Variants in RUVBL1 observed in about 807,000 individuals in gnomAD.
RUVBL1 encodes RuvB like AAA ATPase 1.
Under a neutral mutation model 52.4 loss-of-function variants are expected in RUVBL1, and 4 were observed. The observed-to-expected ratio is 0.08, with a 90% CI of 0.04 to 0.17. The LOEUF (loss-of-function observed/expected upper bound fraction) is 0.17. Ranked by LOEUF, RUVBL1 falls within the 10% of genes least tolerant of loss-of-function variation. RUVBL1 has a pLI of 1.00. For synonymous variants in RUVBL1, 217 were observed against 214.4 expected (o/e 1.01, Z -0.10); for missense variants, 298 against 572.8 (o/e 0.52, Z 4.90).
chr3:128,143,173 AT>A (rs35634913), intron 1 of RUVBL1, among the ~76,000 whole-genome samples: 40,448 of 132,858 alleles, frequency 0.3, 6,284 homozygotes, highest in African/African-American at 0.48. Context: ...ACCCTTATCT[AT>A]TTTTTTTTTT....
chr3:128,068,324 G>C (rs924021097), intron 9 of RUVBL1, among the ~76,000 whole-genome samples: 1 of 152,254 alleles, frequency 6.6e-6, no homozygotes, highest in African/African-American at 2.4e-5. Context: ...ATAGGAGACA[G>C]TGCAGTAAGG....
chr3:128,117,828 T>C lies in RUVBL1; in HGVS notation c.228+1500A>G, dbSNP rs1229974547. ...ACAAAAATTAATCCACTCTGACATATAATAGTGAAACACCAAACCCAAAAA... is the reference window on the plus strand; with the variant it reads ...ACAAAAATTAATCCACTCTGACATACAATAGTGAAACACCAAACCCAAAAA... On this transcript the variant is annotated intron_variant, in intron 2 of 10. Coordinates refer to ENST00000322623, the MANE Select transcript of RUVBL1 (RefSeq NM_003707.3). Among the ~76,000 whole-genome samples the C allele has an allele frequency of 2.6e-5, 4 of 151,970 alleles. No individual in the cohort carries two copies. In the East Asian group the frequency reaches 5.8e-4, roughly 22 times the overall value.
chr3:128,115,149 T>C (rs959215803), intron 2 of RUVBL1, among the ~76,000 whole-genome samples: 1 of 152,164 alleles, frequency 6.6e-6, no homozygotes, highest in African/African-American at 2.4e-5. Context: ...GCCTATGACC[T>C]TGATCATCTA....
At chr3:128,087,657 A>G (rs761300864) in intron 9 of RUVBL1, 49 bp downstream of exon 9, 2 of 1,471,608 alleles carry the variant, frequency 1.4e-6, no homozygotes, top group Admixed American at 1.7e-5. Flanking sequence ...ACCAGTGAAC[A>G]CTGGGAGCAA....
intron 1 of RUVBL1, among the ~76,000 whole-genome samples, chr3:128,147,040 T>C (rs1944117044): frequency 6.6e-6 from 1 of 152,194 alleles, no homozygotes; most frequent in African/African-American, 2.4e-5. Context: ...AAAACCATGA[T>C]GAGATACCAC....
At chr3:128,069,982 C>T (rs568934098) in intron 9 of RUVBL1, 3 of 204,044 alleles carry the variant, frequency 1.5e-5, no homozygotes, top group East Asian at 2.4e-4. Flanking sequence ...TATGCGGCTG[C>T]AGCCGTCTCA....
chr3:128,132,773 G>A (rs1483954940), intron 1 of RUVBL1, among the ~76,000 whole-genome samples: 2 of 152,206 alleles, frequency 1.3e-5, no homozygotes, highest in Non-Finnish European at 2.9e-5. Context: ...AGCCTTGGGT[G>A]AGACCCAGTG....
intron 8 of RUVBL1, among the ~76,000 whole-genome samples, chr3:128,091,394 G>T (rs868841232): frequency 6.6e-6 from 1 of 152,182 alleles, no homozygotes; most frequent in Non-Finnish European, 1.5e-5. Context: ...TTACATTTTG[G>T]TCAATCTGCA....
intron 1 of RUVBL1, among the ~76,000 whole-genome samples, chr3:128,146,609 G>T (rs552743897): frequency 6.7e-6 from 1 of 148,212 alleles, no homozygotes; most frequent in Non-Finnish European, 1.5e-5. Context: ...TTTGCCTGCC[G>T]CTGTGTGCAC....
Position 128,093,028 on chromosome 3 carries a change from AAAAG to A in RUVBL1, c.1016+4268_1016+4271del, listed in dbSNP as rs1326939751. Among the ~76,000 whole-genome samples, 135 of 152,260 alleles carry A rather than the reference AAAAG, an allele frequency of 8.9e-4. 1 individual carries two copies. The highest frequency in any genetic ancestry group is 3.1e-3 in the African/African-American group (129 of 41,556). On this transcript the variant is annotated intron_variant, in intron 8 of 10. Coordinates refer to ENST00000322623, the MANE Select transcript of RUVBL1 (RefSeq NM_003707.3). Reference sequence around the variant, plus strand: ...ATCTCTACTTTAAAAAAGAAAAAGAAAAAGAAAGAAAGAAAAAAAAAGTTGTACA... The same window carrying A: ...ATCTCTACTTTAAAAAAGAAAAAGAAAAAGAAAGAAAAAAAAAGTTGTACA...
In RUVBL1 at chr3:128,121,826, C is replaced by T. The variant is rs375428015; in HGVS notation, c.141+1758G>A. On this transcript the variant is annotated intron_variant, in intron 1 of 10. Transcript: ENST00000322623. ...CCAAGGTAGAAGAGACTTTACAAAC[C>T]TTGGAGATGTGCGTTTATTTACAGA... Among the ~76,000 whole-genome samples, 239 of 152,142 alleles carry T rather than the reference C, an allele frequency of 1.6e-3. 2 individuals carry two copies. The highest frequency in any genetic ancestry group is 5.5e-3 in the African/African-American group (228 of 41,524).
intron 9 of RUVBL1, chr3:128,075,690 G>A (rs1382514724): frequency 2.6e-5 from 4 of 152,166 alleles, no homozygotes; most frequent in African/African-American, 7.2e-5. Flanking sequence ...TGGGGGGAGG[G>A]GCAGCGCGGC....
At chr3:128,125,667 TG>T (rs1943776920), upstream of RUVBL1, among the ~76,000 whole-genome samples, 1 of 152,230 alleles carries the variant, frequency 6.6e-6, no homozygotes, top group African/African-American at 2.4e-5. Context: ...CATCAGTGAA[TG>T]GAATCTTTTG....
intron 1 of RUVBL1, among the ~76,000 whole-genome samples, chr3:128,147,644 T>G (rs1944124853): frequency 6.6e-6 from 1 of 152,200 alleles, no homozygotes. Context: ...GAAACTCTTA[T>G]ACATTGCTGC....
At chr3:128,114,752 C>A (rs988922738) in intron 2 of RUVBL1, among the ~76,000 whole-genome samples, 4 of 152,192 alleles carry the variant, frequency 2.6e-5, no homozygotes, top group Non-Finnish European at 4.4e-5. Flanking sequence ...GGAAAAAAAT[C>A]TCTGGAACAT....
chr3:128,126,209 G>A (rs1943788643), upstream of RUVBL1, among the ~76,000 whole-genome samples: 1 of 108,654 alleles, frequency 9.2e-6, no homozygotes, highest in African/African-American at 4.0e-5. Context: ...CTTTGTGTGT[G>A]TGTGTGTGTG....
chr3:128,089,375 G>A (rs897773449), intron 8 of RUVBL1, among the ~76,000 whole-genome samples: 1 of 152,204 alleles, frequency 6.6e-6, no homozygotes, highest in Non-Finnish European at 1.5e-5. Flanking sequence ...TGGCCTCTGG[G>A]GGTCCTAACA....
chr3:128,112,952 A>G lies in RUVBL1; in HGVS notation c.297T>C (p.Ser99=). Residue 99 remains serine (S), a synonymous_variant, in exon 3 of 11, where the codon AGT becomes AGC. Transcript: ENST00000322623. The part of the protein sequence containing the change: ...SKVPFCPMVG[S]EVYSTEIKKT... The stretch of plus-strand genomic sequence containing the variant: ...TCTTGATCTCAGTTGAGTAAACTTC[A>G]CTCCCCACCATTGGGCAGAAGGGGA... The G allele has an allele frequency of 6.2e-7, 1 of 1,613,964 alleles. No homozygotes were observed. Among genetic ancestry groups the G allele is most frequent in the Non-Finnish European group, 8.5e-7 (1 of 1,180,014 alleles).
chr3:128,070,203 A>G (rs1942120685), intron 9 of RUVBL1: 1 of 152,404 alleles, frequency 6.6e-6, no homozygotes, highest in Non-Finnish European at 1.5e-5. Context: ...GTTTTCCCTT[A>G]TTTTAAAAGT....
Sources: allele counts gnomAD v4.1 joint callset (sites outside exome capture counted in the v4.1 genomes callset), GRCh38; gene constraint gnomAD v4.1.1; transcripts MANE v1.5; gene names NCBI Gene and HGNC (gene_info 2026-07-23, HGNC 2026-07-21).